Variants in DOCK8 observed in about 807,000 individuals in gnomAD.
DOCK8 encodes the protein dedicator of cytokinesis 8.
In DOCK8, 141 loss-of-function variants were observed where a neutral mutation model predicts 245.6. That is an observed-to-expected ratio of 0.57 (90% confidence interval 0.50 to 0.66). DOCK8 has a LOEUF of 0.66. Ranked by LOEUF, DOCK8 falls within the 30% of genes least tolerant of loss-of-function variation. The pLI is 0.00. For synonymous variants in DOCK8, 1,168 were observed against 970.2 expected (o/e 1.20, Z -3.79); for missense variants, 2,965 against 2,603.4 (o/e 1.14, Z -3.02).
At chr9:339,299 TTTAGTA>T (rs1438179337) in intron 13 of DOCK8, among the ~76,000 whole-genome samples, 200 bp downstream of exon 13, 1 of 152,238 alleles carries the variant, frequency 6.6e-6, no homozygotes, top group African/African-American at 2.4e-5. Context: ...AAAGGATTGA[TTTAGTA>T]AACAAACCTT....
At chr9:273,037 C>T (rs2048207582) in intron 2 of DOCK8, 2 of 985,298 alleles carry the variant, frequency 2.0e-6, no homozygotes, top group Non-Finnish European at 1.2e-6. Flanking sequence ...CGCTCAGTTT[C>T]CGGTAACCGC....
intron 14 of DOCK8, among the ~76,000 whole-genome samples, chr9:347,783 C>G (rs967313228): frequency 6.6e-6 from 1 of 152,116 alleles, no homozygotes; most frequent in African/African-American, 2.4e-5. Flanking sequence ...TGCTCCAAAA[C>G]TCAGCAATCC....
chr9:247,901 T>G lies in DOCK8; in HGVS notation c.54-23726T>G, dbSNP rs756470347. ...ATTCTGTTTATAGTATTATCATTAA[T>G]AAATAAACTAAAACATTACTTCTGT... On this transcript the variant is annotated intron_variant, in intron 1 of 47. Transcript: ENST00000432829. Among the ~76,000 whole-genome samples the G allele has an allele frequency of 2.2e-4, 33 of 151,022 alleles. 1 individual carries two copies. Among genetic ancestry groups the G allele is most frequent in the Admixed American group, 1.6e-3 (24 of 15,144 alleles).
At chr9:365,510 T>G in intron 14 of DOCK8, 1 of 435,850 alleles carries the variant, frequency 2.3e-6, no homozygotes, top group Non-Finnish European at 4.5e-6. Context: ...ATCATGCTTC[T>G]ATTATAGTAA....
chr9:400,025 C>T (rs55902928), intron 26 of DOCK8, among the ~76,000 whole-genome samples: 8,109 of 89,478 alleles, frequency 0.091, 391 homozygotes, highest in African/African-American at 0.14. Flanking sequence ...ACCACCACCT[C>T]CACCATCACC....
intron 46 of DOCK8, among the ~76,000 whole-genome samples, chr9:455,622 A>T (rs927966188): frequency 6.6e-6 from 1 of 152,110 alleles, no homozygotes; most frequent in Non-Finnish European, 1.5e-5. Context: ...CACTGGACCA[A>T]ACTTTGAGTG....
intron 28 of DOCK8, 50 bp from the exon 29 acceptor site, chr9:414,732 A>C (rs754180391): frequency 1.2e-6 from 2 of 1,611,628 alleles, no homozygotes; most frequent in African/African-American, 1.3e-5. Context: ...AGAGCTCTTT[A>C]GTCAATTTCC....
rs775382639 is a variant in DOCK8, at chr9:428,480, G to A, written c.4457G>A (p.Arg1486His). 8.7e-6 allele frequency: 14 copies of A among 1,614,118 alleles called. No individual in the cohort carries two copies. The highest frequency in any genetic ancestry group is 2.7e-5 in the African/African-American group (2 of 75,026). The change falls in exon 35 of 48, where the codon CGT becomes CAT. Residue 1486 changes from arginine to histidine, a missense_variant. Physicochemically the swap from Arg to His is conservative, Grantham distance 29. Coordinates refer to ENST00000432829, the MANE Select transcript of DOCK8 (RefSeq NM_203447.4). ...TYLTHCFATL[R>H]ALIAKFGDLL... ...CTGACTCACTGCTTTGCAACACTCC[G>A]TGCTCTCATCGCCAAGGTAAACTTG...
chr9:311,242 G>A (rs373157086), intron 5 of DOCK8, among the ~76,000 whole-genome samples: 7 of 150,684 alleles, frequency 4.6e-5, no homozygotes, highest in East Asian at 1.9e-4. Context: ...CTGAGATGGC[G>A]CCATTGCACT....
In DOCK8 at chr9:215,020, A is replaced by T; in HGVS notation, c.44A>T (p.Lys15Met). 1 of 1,589,774 alleles carries T rather than the reference A, an allele frequency of 6.3e-7. No individual in the cohort carries two copies. Among genetic ancestry groups the T allele is most frequent in the South Asian group, 1.1e-5 (1 of 88,966 alleles). Residue 15 changes from lysine to methionine, a missense_variant, in exon 1 of 48, where the codon AAG becomes ATG. Physicochemically the swap from Lys to Met is moderately conservative, Grantham distance 95. Around this residue, in one of 3 missense-constraint regions of DOCK8, gnomAD observed 2,825 missense variants for 2,453.5 expected, o/e 1.15. Coordinates refer to ENST00000432829, the MANE Select transcript of DOCK8 (RefSeq NM_203447.4). Reference sequence around the variant, plus strand: ...GCAGAGCGCCGCGCGTTCGCGCTCAAGATCAACAGGTAAGACGCCCCCCGC... The same window carrying T: ...GCAGAGCGCCGCGCGTTCGCGCTCATGATCAACAGGTAAGACGCCCCCCGC... ...PSAERRAFAL[K>M]INRYSSAEIR...
At chr9:341,723 C>T (rs536625290) in intron 14 of DOCK8, among the ~76,000 whole-genome samples, 36 of 152,324 alleles carry the variant, frequency 2.4e-4, no homozygotes, top group African/African-American at 7.7e-4. Flanking sequence ...CCCCAACCCC[C>T]GGGCCATAGA....
intron 20 of DOCK8, among the ~76,000 whole-genome samples, chr9:379,264 C>G (rs73641537): frequency 0.048 from 7,311 of 152,202 alleles, 238 homozygotes; most frequent in African/African-American, 0.087. Flanking sequence ...GTGGGAATGA[C>G]TTGATATGCA....
At chr9:276,828 A>T (rs1305839998) in intron 2 of DOCK8, among the ~76,000 whole-genome samples, 1 of 152,094 alleles carries the variant, frequency 6.6e-6, no homozygotes, top group African/African-American at 2.4e-5. Flanking sequence ...ATTTATTTAG[A>T]GACAGGGCCT....
chr9:276,991 T>G (rs1186821973), intron 2 of DOCK8: 2 of 341,588 alleles, frequency 5.9e-6, no homozygotes, highest in Non-Finnish European at 1.2e-5. Context: ...ATTTTTTTTG[T>G]AGAGACGGAG....
At chr9:407,971 C>A (rs566530067) in intron 28 of DOCK8, among the ~76,000 whole-genome samples, 17 of 152,306 alleles carry the variant, frequency 1.1e-4, no homozygotes, top group African/African-American at 3.8e-4. Flanking sequence ...AACTTGCCCA[C>A]TATTCCATAA....
intron 22 of DOCK8, among the ~76,000 whole-genome samples, chr9:384,097 AACAATTTCTTAG>A (rs147485632): frequency 0.032 from 4,901 of 152,254 alleles, 274 homozygotes; most frequent in African/African-American, 0.11. Flanking sequence ...TCTTGCTGGA[AACAATTTCTTAG>A]ACTTTCTTTG....
rs548195780 is a variant in DOCK8, at chr9:302,983, GA to G, written c.405-1587del. The stretch of plus-strand genomic sequence containing the variant: ...TCTCTACAAAACATCAAAATAAATG[GA>G]AAAAAAAAAAGAAAAAGAAAAAGAA... On this transcript the variant is annotated intron_variant, in intron 4 of 47. Transcript: ENST00000432829. 3.0e-3 allele frequency among the ~76,000 whole-genome samples: 430 copies of G among 141,528 alleles called. 1 individual carries two copies. Among genetic ancestry groups the G allele is most frequent in the African/African-American group, 9.9e-3 (385 of 38,700 alleles). 92.8% of individuals were successfully genotyped at this position (141,528 alleles called of 152,430 possible). A position where few individuals can be genotyped will look rare whatever the true frequency, so the allele number is the denominator to read the frequency against.
intron 2 of DOCK8, among the ~76,000 whole-genome samples, chr9:274,860 C>T (rs1030330492): frequency 2.0e-5 from 3 of 152,172 alleles, no homozygotes; most frequent in Non-Finnish European, 4.4e-5. Context: ...GCGTTCTGAC[C>T]TTCGTTTCTC....
intron 4 of DOCK8, among the ~76,000 whole-genome samples, chr9:295,093 G>C (rs1586623940): frequency 6.6e-6 from 1 of 152,176 alleles, no homozygotes; most frequent in African/African-American, 2.4e-5. Flanking sequence ...CTGGGAGGCG[G>C]AGGTTGCAGT....
Sources: gnomAD v4.1 joint callset for allele counts (sites outside exome capture counted in the v4.1 genomes callset) on GRCh38, gnomAD v4.1.1 for gene constraint, gnomAD v4.1.1 regional missense constraint, MANE v1.5 for transcripts, NCBI Gene and HGNC (gene_info 2026-07-23, HGNC 2026-07-21) for gene names.